The following NINL variants were observed in gnomAD, a reference collection of about 807,000 sequenced individuals.
NINL encodes ninein like, also known as ninein-like protein.
In NINL, 153 loss-of-function variants were observed where a neutral mutation model predicts 160.3. The ratio of observed to expected loss-of-function variants is 0.95; its 90% CI spans 0.84 to 1.09. The LOEUF (loss-of-function observed/expected upper bound fraction) is 1.09, where lower values mean the gene tolerates loss of function less well. Among genes scored for constraint, NINL ranks in the 50% least tolerant of loss-of-function variants. The pLI is 0.00. For missense variants in NINL, 1,829 were observed against 1,764.0 expected, an observed-to-expected ratio of 1.04 and a Z score of -0.66; for synonymous variants, 800 against 734.8, an observed-to-expected ratio of 1.09 and a Z score of -1.43.
chr20:25,515,866 G>C (rs565116868), intron 3 of NINL, among the ~76,000 whole-genome samples: 6 of 152,116 alleles, frequency 3.9e-5, no homozygotes, highest in African/African-American at 1.4e-4. Flanking sequence ...CACGTCCCAG[G>C]TTCACACCAT....
At chr20:25,518,586 T>C (rs1455850614) in intron 2 of NINL, among the ~76,000 whole-genome samples, 1 of 152,216 alleles carries the variant, frequency 6.6e-6, no homozygotes, top group African/African-American at 2.4e-5. Flanking sequence ...TAGCTATGTC[T>C]CTTAAGAATA....
intron 1 of NINL, among the ~76,000 whole-genome samples, chr20:25,569,227 C>CAA (rs772304012): frequency 8.8e-5 from 5 of 57,086 alleles, no homozygotes; most frequent in East Asian, 5.2e-4. Flanking sequence ...GACTCTGTCT[C>CAA]AAAAAAAAAA....
intron 1 of NINL, among the ~76,000 whole-genome samples, chr20:25,577,679 C>A (rs2065130513): frequency 6.6e-6 from 1 of 152,152 alleles, no homozygotes; most frequent in Admixed American, 6.5e-5. Flanking sequence ...CTAAGGGGAA[C>A]CTGGAGGTCC....
rs1955953373 is a variant in NINL, at chr20:25,504,812, A to AGGG, written c.708+73_708+75dup. ...ACCTACATGAGTGGCTGAAGGGTAG[A>AGGG]GGGGTTTCCAGACCCAACACTAAAC... is the stretch of plus-strand genomic sequence containing the variant. On this transcript the variant is annotated intron_variant, in intron 6 of 23. Coordinates refer to ENST00000278886, the MANE Select transcript of NINL (RefSeq NM_025176.6). 4 of 1,463,642 alleles carry AGGG rather than the reference A, an allele frequency of 2.7e-6. No individual in the cohort carries two copies. The Admixed American group carries it at 6.8e-5, about 25-fold the overall frequency. The allele number at this position is 1,463,642 out of a possible 1,614,324, so 90.7% of individuals were successfully genotyped here.
intron 5 of NINL, among the ~76,000 whole-genome samples, chr20:25,506,094 T>G (rs2063956685): frequency 6.6e-6 from 1 of 152,138 alleles, no homozygotes; most frequent in South Asian, 2.1e-4. Context: ...AAACCCCGTC[T>G]CTACTAAAAA....
intron 9 of NINL, among the ~76,000 whole-genome samples, chr20:25,497,660 G>A (rs1247738304): frequency 6.6e-6 from 1 of 152,236 alleles, no homozygotes; most frequent in Admixed American, 6.5e-5. Context: ...TGGGTTCTCA[G>A]CCCAACGTCA....
intron 1 of NINL, among the ~76,000 whole-genome samples, chr20:25,535,277 G>T (rs1016112967): frequency 2.0e-5 from 3 of 152,172 alleles, no homozygotes; most frequent in Admixed American, 1.3e-4. Flanking sequence ...GGGTTGTGGA[G>T]TTGTTGGGTA....
At chr20:25,520,407 T>C (rs188413174) in intron 2 of NINL, among the ~76,000 whole-genome samples, 1 of 152,372 alleles carries the variant, frequency 6.6e-6, no homozygotes, top group African/African-American at 2.4e-5. Flanking sequence ...TGCCATTGAA[T>C]GCAAAATGTG....
chr20:25,457,580 G>C (rs773374831), intron 22 of NINL, among the ~76,000 whole-genome samples: 1 of 133,322 alleles, frequency 7.5e-6, no homozygotes, highest in East Asian at 5.3e-4. Context: ...TTACAAGGTT[G>C]TTCTTCATTA....
chr20:25,511,895 A>G (rs1434196490), intron 4 of NINL, among the ~76,000 whole-genome samples: 1 of 152,202 alleles, frequency 6.6e-6, no homozygotes, highest in Admixed American at 6.5e-5. Flanking sequence ...CGACCTGTCT[A>G]AGAAGGATGT....
intron 1 of NINL, among the ~76,000 whole-genome samples, chr20:25,532,035 C>T (rs1421419297): frequency 1.3e-5 from 2 of 152,230 alleles, no homozygotes; most frequent in Non-Finnish European, 2.9e-5. Context: ...GCCCTGGCTG[C>T]CCTTAGAAGG....
chr20:25,515,873 C>G (rs1168864353), intron 3 of NINL, among the ~76,000 whole-genome samples: 3 of 152,168 alleles, frequency 2.0e-5, no homozygotes, highest in Non-Finnish European at 4.4e-5. Context: ...CAGGTTCACA[C>G]CATTCTCCTG....
chr20:25,508,210 C>T (rs1223623579), intron 5 of NINL, among the ~76,000 whole-genome samples: 3 of 152,218 alleles, frequency 2.0e-5, no homozygotes, highest in Non-Finnish European at 4.4e-5. Flanking sequence ...AAAAATGGCC[C>T]TGGCATTCAA....
At chr20:25,571,960 C>T (rs1370703914) in intron 1 of NINL, among the ~76,000 whole-genome samples, 2 of 148,074 alleles carry the variant, frequency 1.4e-5, no homozygotes, top group African/African-American at 5.0e-5. Context: ...TATATATTTT[C>T]AACAGCACTG....
intron 7 of NINL, among the ~76,000 whole-genome samples, chr20:25,501,938 T>G (rs2146796967): frequency 6.6e-6 from 1 of 152,310 alleles, no homozygotes; most frequent in East Asian, 1.9e-4. Context: ...CTCATTGATT[T>G]TTTTCACCAG....
rs2064051672 is a variant in NINL, at chr20:25,510,666, G to C, written c.517+8C>G. ...CAGAGAGCACTGAATGCGAGGCTGAGGCTTTACCTTGTGCTTCAAATAATT... is the reference window on the plus strand; with the variant it reads ...CAGAGAGCACTGAATGCGAGGCTGACGCTTTACCTTGTGCTTCAAATAATT... On this transcript the variant is annotated splice_region_variant and intron_variant, in intron 5 of 23. Transcript: ENST00000278886. The C allele has an allele frequency of 2.5e-6, 4 of 1,613,204 alleles. No individual in the cohort carries two copies. Among genetic ancestry groups the C allele is most frequent in the African/African-American group, 1.3e-5 (1 of 74,922 alleles).
At chr20:25,570,081 G>T (rs534312277) in intron 1 of NINL, among the ~76,000 whole-genome samples, 28 of 152,226 alleles carry the variant, frequency 1.8e-4, no homozygotes, top group Admixed American at 1.6e-3. Context: ...TTGGGAGGCT[G>T]AGGCAGGAGA....
chr20:25,469,956 C>T, intron 18 of NINL, 35 bp downstream of exon 18: 3 of 1,506,126 alleles, frequency 2.0e-6, no homozygotes, highest in Non-Finnish European at 2.8e-6. Flanking sequence ...GCAAAACGCA[C>T]CCCCAGAAGG....
At chr20:25,531,922 A>G (rs2146994442) in intron 1 of NINL, among the ~76,000 whole-genome samples, 1 of 152,238 alleles carries the variant, frequency 6.6e-6, no homozygotes, top group South Asian at 2.1e-4. Flanking sequence ...AGCTATTTTT[A>G]CTACACAGGG....
Sources: gnomAD v4.1 joint callset for allele counts (sites outside exome capture counted in the v4.1 genomes callset) on GRCh38, gnomAD v4.1.1 for gene constraint, MANE v1.5 for transcripts, NCBI Gene and HGNC (gene_info 2026-07-23, HGNC 2026-07-21) for gene names.